The following GPI variants were observed in gnomAD, a reference collection of about 807,000 sequenced individuals.
GPI encodes glucose-6-phosphate isomerase.
GPI carries 56 observed loss-of-function variants against 75.8 expected under a neutral mutation model. That is an observed-to-expected ratio of 0.74 (90% confidence interval 0.60 to 0.92). The LOEUF (loss-of-function observed/expected upper bound fraction) is 0.92. Ranked by LOEUF, GPI falls within the 40% of genes least tolerant of loss-of-function variation. GPI has a pLI of 0.00. For missense variants in GPI, 638 were observed against 741.0 expected (o/e 0.86, Z 1.61); for synonymous variants, 288 against 285.4 (o/e 1.01, Z -0.09).
rs8191394 is a variant in GPI at position 34,382,699 on chromosome 19, G to C, written c.804+1180G>C. ...CTGCTGCCAGCCAAGGAGCCAAGCA[G>C]ATCGGGGTGTCCTTGCTTGTCACCA... On this transcript the variant is annotated intron_variant, in intron 9 of 17. Coordinates refer to ENST00000356487, the MANE Select transcript of GPI (RefSeq NM_000175.5). Among the ~76,000 whole-genome samples the C allele has an allele frequency of 9.1e-3, 1,378 of 152,236 alleles. 16 individuals carry two copies. Among genetic ancestry groups the C allele is most frequent in the Middle Eastern group, 0.027 (8 of 294 alleles).
intron 4 of GPI, among the ~76,000 whole-genome samples, chr19:34,369,778 A>G (rs1253240345): frequency 6.6e-6 from 1 of 151,634 alleles, no homozygotes; most frequent in African/African-American, 2.4e-5. Context: ...AGTTTCCTGT[A>G]GCCAGGCGCA....
At chr19:34,381,200 G>A (rs1450317922) in intron 8 of GPI, 1 of 551,828 alleles carries the variant, frequency 1.8e-6, no homozygotes, top group Non-Finnish European at 3.3e-6. Flanking sequence ...CCTCACACGG[G>A]GTTACAGCTG....
intron 4 of GPI, among the ~76,000 whole-genome samples, chr19:34,371,893 G>A (rs1026702491): frequency 1.5e-4 from 22 of 150,414 alleles, no homozygotes; most frequent in African/African-American, 5.4e-4. Context: ...CCTCTGGGAT[G>A]CTTCATTATA....
At chr19:34,367,953 C>T (rs1014669198) in intron 3 of GPI, among the ~76,000 whole-genome samples, 1 of 152,196 alleles carries the variant, frequency 6.6e-6, no homozygotes, top group African/African-American at 2.4e-5. Context: ...TGGAGTCTTG[C>T]TCTGTCGCCC....
At chr19:34,399,035 C>G (rs1188393687) in intron 14 of GPI, 172 bp from the exon 15 acceptor site, 1 of 570,764 alleles carries the variant, frequency 1.8e-6, no homozygotes, top group Admixed American at 3.1e-5. Flanking sequence ...GAGCAGTTAT[C>G]ACTGTTCCCT....
chr19:34,365,513 C>A, intron 1 of GPI, 125 bp downstream of exon 1: 1 of 1,429,750 alleles, frequency 7.0e-7, no homozygotes, highest in Non-Finnish European at 9.5e-7. Flanking sequence ...AGGCCACGGA[C>A]TGGGGCCCAG....
intron 1 of GPI, 109 bp downstream of exon 1, chr19:34,365,497 A>C (rs1297318995): frequency 1.4e-6 from 2 of 1,475,126 alleles, no homozygotes; most frequent in Non-Finnish European, 1.8e-6. Context: ...CCAGTCCCCG[A>C]CCTCCAGGCC....
chr19:34,394,420 A>G (rs1032430250), intron 12 of GPI, among the ~76,000 whole-genome samples: 1 of 38,926 alleles, frequency 2.6e-5, no homozygotes, highest in Non-Finnish European at 5.5e-5. Context: ...TAGCCCTGGT[A>G]TGAGGCCCTA....
intron 4 of GPI, among the ~76,000 whole-genome samples, chr19:34,375,309 ATT>A (rs2074518546): frequency 6.6e-6 from 1 of 151,788 alleles, no homozygotes; most frequent in Non-Finnish European, 1.5e-5. Context: ...TGCCTGGATA[ATT>A]TTTGTATTTT....
chr19:34,396,196 C>T, intron 12 of GPI, 105 bp from the exon 13 acceptor site: 1 of 1,354,982 alleles, frequency 7.4e-7, no homozygotes, highest in Non-Finnish European at 1.0e-6. Flanking sequence ...CCTTGGCCTC[C>T]CAAAGTGCTG....
At chr19:34,384,434 G>C (rs900678878) in intron 9 of GPI, among the ~76,000 whole-genome samples, 1 of 152,206 alleles carries the variant, frequency 6.6e-6, no homozygotes, top group Non-Finnish European at 1.5e-5. Context: ...AGACCGAGAA[G>C]CTGTGTTAAG....
intron 9 of GPI, among the ~76,000 whole-genome samples, chr19:34,383,201 G>A (rs2074681928): frequency 6.6e-6 from 1 of 152,192 alleles, no homozygotes; most frequent in South Asian, 2.1e-4. Context: ...CAGGGTCAGC[G>A]CACGCCACAG....
intron 4 of GPI, among the ~76,000 whole-genome samples, chr19:34,370,501 G>A (rs541660490): frequency 6.6e-6 from 1 of 152,218 alleles, no homozygotes; most frequent in African/African-American, 2.4e-5. Context: ...GGTGGATCAT[G>A]TGAGGTCGGG....
At chr19:34,386,589 A>G (rs77064466) in intron 9 of GPI, among the ~76,000 whole-genome samples, 1 of 152,336 alleles carries the variant, frequency 6.6e-6, no homozygotes, top group East Asian at 1.9e-4. Flanking sequence ...AGCCTGAAGA[A>G]CCAGAGTTGA....
rs1193160109 is a variant in GPI at position 34,393,254 on chromosome 19, G to A, written c.811G>A (p.Gly271Arg). ...CTTGTCCTGTCTCTCCTAGTGGGTGGGAGGACGCTACTCGCTGTGGTCGGC... is the reference window on the plus strand; with the variant it reads ...CTTGTCCTGTCTCTCCTAGTGGGTGAGAGGACGCTACTCGCTGTGGTCGGC... ...QNMFEFWDWV[G>R]GRYSLWSAIG... Residue 271 changes from glycine (G) to arginine (R), a missense_variant, in exon 10 of 18, where the codon GGA (glycine) becomes AGA (arginine). Transcript: ENST00000356487. This position sits in a 1 kb window ranked among gnomAD's most constrained non-coding sequence, Gnocchi z 4.4. 1.2e-6 allele frequency: 2 copies of A among 1,612,370 alleles called. No homozygotes were observed. Among genetic ancestry groups the A allele is most frequent in the Non-Finnish European group, 1.7e-6 (2 of 1,178,568 alleles).
chr19:34,397,899 AT>A, intron 14 of GPI: 1 of 150,444 alleles, frequency 6.6e-6, no homozygotes, highest in Admixed American at 6.7e-5. Context: ...TATTTATTTT[AT>A]TTTAGAGATA....
upstream of GPI, among the ~76,000 whole-genome samples, chr19:34,361,679 C>A (rs1015126324): frequency 6.6e-6 from 1 of 152,120 alleles, no homozygotes; most frequent in Non-Finnish European, 1.5e-5. Context: ...ACCTAGTTTC[C>A]TGCTAACATA....
At chr19:34,370,565 A>C (rs564671819) in intron 4 of GPI, among the ~76,000 whole-genome samples, 1 of 152,160 alleles carries the variant, frequency 6.6e-6, no homozygotes, top group South Asian at 2.1e-4. Flanking sequence ...CTAAAAATAC[A>C]AAAAAATTAC....
Position 34,399,891 on chromosome 19 carries a change from T to C in GPI, c.1542-10T>C, listed in dbSNP as rs781758138. 216 of 1,613,972 alleles carry C rather than the reference T, an allele frequency of 1.3e-4. No individual in the cohort carries two copies. Among genetic ancestry groups the C allele is most frequent in the Non-Finnish European group, 8.5e-7 (1 of 1,179,984 alleles). Reference sequence around the variant, plus strand: ...CATACCACTCTTCCCTTCCCTTCCCTTCTTGGCAGAGTGGAGCTGGGAAAG... The same window carrying C: ...CATACCACTCTTCCCTTCCCTTCCCCTCTTGGCAGAGTGGAGCTGGGAAAG... On this transcript the variant is annotated splice_polypyrimidine_tract_variant and intron_variant, in intron 17 of 17. Transcript: ENST00000356487.
Sources: allele counts gnomAD v4.1 joint callset (sites outside exome capture counted in the v4.1 genomes callset), GRCh38; gene constraint gnomAD v4.1.1; non-coding constraint Gnocchi (gnomAD v3.1); transcripts MANE v1.5; gene names NCBI Gene and HGNC (gene_info 2026-07-23, HGNC 2026-07-21).